The following ZNF521 variants were observed in gnomAD, a reference collection of about 807,000 sequenced individuals.
ZNF521 encodes LYST-interacting protein 3.
A neutral mutation model predicts 105.5 loss-of-function variants in ZNF521; 14 were observed. The observed-to-expected ratio is 0.13, with a 90% CI of 0.09 to 0.21. The LOEUF (loss-of-function observed/expected upper bound fraction) is 0.21, where lower values mean the gene tolerates loss of function less well. Among genes scored for constraint, ZNF521 ranks in the 10% least tolerant of loss-of-function variants. ZNF521 has a pLI of 1.00. For missense variants in ZNF521, 1,233 were observed against 1,629.7 expected (o/e 0.76, Z 4.19); for synonymous variants, 635 against 606.0 (o/e 1.05, Z -0.70).
chr18:25,119,762 T>G (rs1258835481), intron 5 of ZNF521, among the ~76,000 whole-genome samples: 1 of 151,760 alleles, frequency 6.6e-6, no homozygotes, highest in African/African-American at 2.4e-5. Flanking sequence ...AGTTTTACCT[T>G]AAGAAGCTAG....
chr18:25,117,114 T>C, intron 5 of ZNF521, among the ~76,000 whole-genome samples: 1 of 149,374 alleles, frequency 6.7e-6, no homozygotes. Context: ...TTGCTTCCAG[T>C]CAGTCCTGCT....
At chr18:25,128,660 C>T (rs557299515) in intron 5 of ZNF521, among the ~76,000 whole-genome samples, 1 of 151,978 alleles carries the variant, frequency 6.6e-6, no homozygotes, top group Non-Finnish European at 1.5e-5. Flanking sequence ...TACATACAAG[C>T]AATGAGCAAT....
chr18:25,257,992 AT>A (rs781360433), intron 3 of ZNF521, among the ~76,000 whole-genome samples: 5 of 152,150 alleles, frequency 3.3e-5, no homozygotes, highest in Non-Finnish European at 7.4e-5. Context: ...CACACTTCAC[AT>A]TTAAAAAACA....
intron 3 of ZNF521, among the ~76,000 whole-genome samples, chr18:25,285,047 G>C (rs1381100045): frequency 6.6e-6 from 1 of 150,604 alleles, no homozygotes; most frequent in Non-Finnish European, 1.5e-5. Flanking sequence ...TAAGCTGAAG[G>C]AGTGGCCAGA....
At chr18:25,169,402 T>C (rs2035407779) in intron 5 of ZNF521, among the ~76,000 whole-genome samples, 1 of 152,142 alleles carries the variant, frequency 6.6e-6, no homozygotes, top group Non-Finnish European at 1.5e-5. Flanking sequence ...GGACAGCTCA[T>C]ACAAGGTACA....
intron 4 of ZNF521, among the ~76,000 whole-genome samples, chr18:25,208,980 T>A (rs1189679344): frequency 6.6e-6 from 1 of 152,330 alleles, no homozygotes; most frequent in African/African-American, 2.4e-5. Context: ...TCGAAGATAA[T>A]CCTTAGATCT....
Position 25,233,644 on chromosome 18 carries a change from C to G in ZNF521, c.221-5947G>C, listed in dbSNP as rs1906680341. Among the ~76,000 whole-genome samples the G allele has an allele frequency of 2.0e-5, 3 of 148,502 alleles. 1 individual carries two copies. The highest frequency in any genetic ancestry group is 1.3e-4 in the Admixed American group (2 of 14,858). On this transcript the variant is annotated intron_variant, in intron 3 of 7. Coordinates refer to ENST00000361524, the MANE Select transcript of ZNF521 (RefSeq NM_015461.3). ...CAGTCTTAAGATGAATTCCAGATAT[C>G]AGAGCTCAAGCTCAGAGGTTTTTTT...
At chr18:25,347,963 G>C (rs557067636) in intron 2 of ZNF521, among the ~76,000 whole-genome samples, 1 of 152,178 alleles carries the variant, frequency 6.6e-6, no homozygotes. Flanking sequence ...TTATTTAGAA[G>C]GGCCTATTGC....
rs140542938 is a variant in ZNF521 at position 25,094,491 on chromosome 18, T to C, written c.3659-2410A>G. Among the ~76,000 whole-genome samples the C allele has an allele frequency of 5.5e-3, 830 of 152,220 alleles. 7 individuals carry two copies. The highest frequency in any genetic ancestry group is 0.019 in the African/African-American group (775 of 41,538). ...GACTTATTTTCTACATATTCTATCT[T>C]TTATTTGTGAAAGCGCTAAGTGACA... On this transcript the variant is annotated intron_variant, in intron 5 of 7. Transcript: ENST00000361524.
At chr18:25,298,456 T>A (rs1911445612) in intron 3 of ZNF521, among the ~76,000 whole-genome samples, 1 of 152,166 alleles carries the variant, frequency 6.6e-6, no homozygotes, top group African/African-American at 2.4e-5. Context: ...CAAATTTAAG[T>A]CTCAAATAAA....
At chr18:25,303,271 CGTGTGTGTGT>C (rs756904913) in intron 3 of ZNF521, among the ~76,000 whole-genome samples, 3 of 132,612 alleles carry the variant, frequency 2.3e-5, no homozygotes, top group Non-Finnish European at 3.1e-5. Context: ...TTCTTTCTTT[CGTGTGTGTGT>C]GTGTGTGTGT....
chr18:25,348,900 T>TA (rs1002480010), intron 2 of ZNF521, among the ~76,000 whole-genome samples: 1 of 152,178 alleles, frequency 6.6e-6, no homozygotes, highest in African/African-American at 2.4e-5. Flanking sequence ...CATAAAATCC[T>TA]ACGTGCATGA....
At chr18:25,171,143 A>AT (rs1325910422) in intron 5 of ZNF521, among the ~76,000 whole-genome samples, 2 of 152,154 alleles carry the variant, frequency 1.3e-5, no homozygotes, top group East Asian at 3.8e-4. Context: ...ATAAATGAGC[A>AT]TTATAAACAA....
chr18:25,174,010 C>A lies in ZNF521; in HGVS notation c.3658+21150G>T, dbSNP rs2035492857. The stretch of plus-strand genomic sequence containing the variant: ...TGAAAATACAGAGCACTAATTAACT[C>A]AAGAGTTAACATATTTTTTAAAAAA... On this transcript the variant is annotated intron_variant, in intron 5 of 7. Coordinates refer to ENST00000361524, the MANE Select transcript of ZNF521 (RefSeq NM_015461.3). 3.3e-5 allele frequency among the ~76,000 whole-genome samples: 5 copies of A among 152,062 alleles called. No homozygotes were observed. The South Asian group carries it at 1.0e-3, about 32-fold the overall frequency.
chr18:25,262,398 G>C (rs1233209669), intron 3 of ZNF521, among the ~76,000 whole-genome samples: 4 of 152,072 alleles, frequency 2.6e-5, no homozygotes, highest in Admixed American at 2.0e-4. Context: ...TTTCCGTCTT[G>C]TTACACTACT....
chr18:25,214,090 G>C (rs1377915058), intron 4 of ZNF521, among the ~76,000 whole-genome samples: 3 of 152,066 alleles, frequency 2.0e-5, no homozygotes. Context: ...AACACTTCCA[G>C]CATCCAGGTA....
chr18:25,271,504 C>T (rs1909658476), intron 3 of ZNF521, among the ~76,000 whole-genome samples: 1 of 152,144 alleles, frequency 6.6e-6, no homozygotes, highest in Non-Finnish European at 1.5e-5. Flanking sequence ...ATCACACTAC[C>T]TGACTTCAAA....
intron 5 of ZNF521, among the ~76,000 whole-genome samples, chr18:25,094,601 G>A (rs2033814453): frequency 6.6e-6 from 1 of 152,048 alleles, no homozygotes; most frequent in Non-Finnish European, 1.5e-5. Flanking sequence ...AAAGTTGGAA[G>A]TTCTACCTGC....
intron 4 of ZNF521, among the ~76,000 whole-genome samples, chr18:25,214,726 T>C (rs1302519982): frequency 6.6e-6 from 1 of 152,158 alleles, no homozygotes; most frequent in African/African-American, 2.4e-5. Flanking sequence ...GAGAACTTGA[T>C]TTGTGTGATC....
Sources: allele counts gnomAD v4.1 joint callset (sites outside exome capture counted in the v4.1 genomes callset), GRCh38; gene constraint gnomAD v4.1.1; transcripts MANE v1.5; gene names NCBI Gene and HGNC (gene_info 2026-07-23, HGNC 2026-07-21).